The following IPO5 variants were observed in gnomAD, a reference collection of about 807,000 sequenced individuals.
IPO5 encodes the protein importin 5.
A neutral mutation model predicts 143.3 loss-of-function variants in IPO5; 18 were observed. The observed-to-expected ratio is 0.13, with a 90% CI of 0.09 to 0.19. The LOEUF (loss-of-function observed/expected upper bound fraction) is 0.19, where lower values mean the gene tolerates loss of function less well. IPO5 is among the 10% of genes least tolerant of loss of function. The pLI is 1.00. For missense variants in IPO5, 1,013 were observed against 1,336.9 expected, an observed-to-expected ratio of 0.76 and a Z score of 3.78; for synonymous variants, 477 against 465.7, an observed-to-expected ratio of 1.02 and a Z score of -0.31.
chr13:98,004,587 A>T (rs1485864481), intron 16 of IPO5, among the ~76,000 whole-genome samples: 1 of 152,016 alleles, frequency 6.6e-6, no homozygotes, highest in Non-Finnish European at 1.5e-5. Context: ...AAGTGGAAGG[A>T]GTTGTTGGGA....
At position 97,967,640 on chromosome 13, in the gene IPO5, G is replaced by A. The variant is rs572297451; in HGVS notation, c.-112-2083G>A. On this transcript the variant is annotated intron_variant, in intron 2 of 28. Transcript: ENST00000651721. ...ATCTGAAAGTATTTTCTGTTTGTTT[G>A]TTTGTTTGTTTGTTTGAGTCTCGCT... Among the ~76,000 whole-genome samples, 146 of 152,068 alleles carry A rather than the reference G, an allele frequency of 9.6e-4. 1 individual carries two copies. Among genetic ancestry groups the A allele is most frequent in the Non-Finnish European group, 1.7e-3 (118 of 67,992 alleles).
chr13:97,985,315 A>G, intron 5 of IPO5, 106 bp from the exon 6 acceptor site: 1 of 840,966 alleles, frequency 1.2e-6, no homozygotes, highest in Non-Finnish European at 1.9e-6. Flanking sequence ...AGAGTTATAT[A>G]TTTACTTCTT....
At chr13:97,982,623 A>G in intron 5 of IPO5, 40 bp downstream of exon 5, 1 of 1,230,710 alleles carries the variant, frequency 8.1e-7, no homozygotes, top group Non-Finnish European at 1.2e-6. Context: ...TTCTTAGAAA[A>G]TAAGTTATTA....
At chr13:97,990,375 T>C in intron 8 of IPO5, 58 bp from the exon 9 acceptor site, 3 of 1,341,642 alleles carry the variant, frequency 2.2e-6, no homozygotes, top group Non-Finnish European at 3.2e-6. Flanking sequence ...GTAAGAAAAC[T>C]TGAATTTGCG....
chr13:97,968,617 C>G (rs989970296), intron 2 of IPO5, among the ~76,000 whole-genome samples: 1 of 152,112 alleles, frequency 6.6e-6, no homozygotes, highest in African/African-American at 2.4e-5. Context: ...TAAAAATGTC[C>G]TCTTTATCTC....
chr13:97,975,292 C>T (rs543977954), intron 3 of IPO5, among the ~76,000 whole-genome samples: 1 of 152,002 alleles, frequency 6.6e-6, no homozygotes, highest in Admixed American at 6.5e-5. Context: ...AGTTCGAGAC[C>T]AACTGGGCCA....
chr13:97,988,032 G>A, intron 6 of IPO5: 1 of 276,230 alleles, frequency 3.6e-6, no homozygotes, highest in South Asian at 3.1e-5. Context: ...CAGCTTAGCA[G>A]CACAATTGTC....
chr13:97,983,503 C>T (rs984496358), intron 5 of IPO5, among the ~76,000 whole-genome samples: 1 of 151,080 alleles, frequency 6.6e-6, no homozygotes, highest in African/African-American at 2.4e-5. Context: ...TTATAGTTTC[C>T]TACTACTGAT....
At chr13:97,978,100 CTTCA>C (rs1886534405) in intron 4 of IPO5, among the ~76,000 whole-genome samples, 1 of 152,162 alleles carries the variant, frequency 6.6e-6, no homozygotes, top group South Asian at 2.1e-4. Flanking sequence ...CTACTATTCA[CTTCA>C]TTAAGTTTTT....
At chr13:97,987,568 T>C (rs777837670) in intron 6 of IPO5, among the ~76,000 whole-genome samples, 1 of 152,134 alleles carries the variant, frequency 6.6e-6, no homozygotes, top group African/African-American at 2.4e-5. Flanking sequence ...TGCCCAGGCT[T>C]GAGTACAGTG....
At chr13:98,002,371 C>G in intron 13 of IPO5, 96 bp from the exon 14 acceptor site, 1 of 1,259,842 alleles carries the variant, frequency 7.9e-7, no homozygotes. Flanking sequence ...AGTTTTGTTA[C>G]TCTTTTCCAA....
At chr13:98,010,780 C>CTTTT (rs71117688) in intron 20 of IPO5, among the ~76,000 whole-genome samples, 5 of 70,028 alleles carry the variant, frequency 7.1e-5, no homozygotes, top group African/African-American at 3.8e-4. Flanking sequence ...AAGGATAATC[C>CTTTT]TTTTTTTTTT....
intron 20 of IPO5, among the ~76,000 whole-genome samples, chr13:98,011,610 G>T (rs1160715240): frequency 6.6e-6 from 1 of 151,344 alleles, no homozygotes; most frequent in Admixed American, 6.6e-5. Context: ...GGGTTCAAGC[G>T]ATTCTCCTGC....
At chr13:97,980,199 A>G (rs1886720983) in intron 4 of IPO5, among the ~76,000 whole-genome samples, 1 of 152,204 alleles carries the variant, frequency 6.6e-6, no homozygotes, top group East Asian at 1.9e-4. Context: ...ACAAAGATAA[A>G]AAGTTACCAT....
intron 9 of IPO5, 129 bp from the exon 10 acceptor site, chr13:97,992,763 A>G (rs1225097704): frequency 1.0e-6 from 1 of 954,638 alleles, no homozygotes; most frequent in Non-Finnish European, 1.6e-6. Flanking sequence ...CATAATATAG[A>G]TTGCTAAATT....
intron 11 of IPO5, 30 bp downstream of exon 11, chr13:97,993,255 T>A (rs1230580615): frequency 1.3e-6 from 2 of 1,595,254 alleles, no homozygotes; most frequent in African/African-American, 2.7e-5. Context: ...ATAGTTTATG[T>A]GTATTGTGGC....
At chr13:98,010,807 GTC>G (rs1419742604) in intron 20 of IPO5, among the ~76,000 whole-genome samples, 4 of 28,942 alleles carry the variant, frequency 1.4e-4, no homozygotes, top group African/African-American at 2.2e-4. Flanking sequence ...TTGAGGTGGA[GTC>G]TCTCTTTTTC....
chr13:98,016,766 A>C lies in IPO5; in HGVS notation c.2531A>C (p.Asp844Ala). The C allele has an allele frequency of 6.5e-7, 1 of 1,533,008 alleles. No individual in the cohort carries two copies. The allele number at this position is 1,533,008 out of a possible 1,614,324, so 95.0% of individuals were successfully genotyped here. A position where few individuals can be genotyped will look rare whatever the true frequency, so the allele number is the denominator to read the frequency against. The change falls in exon 25 of 29, where the codon GAT (aspartate) becomes GCT (alanine). Residue 844 changes from aspartate (D) to alanine (A), a missense_variant. Transcript: ENST00000651721. ...NDVYILTKVS[D>A]ILHSIFSSYK... is the part of the protein sequence containing the mutation. Reference sequence around the variant, plus strand: ...GTTTATATTCTGACCAAAGTGTCAGATATTTTACACTCAATATTCAGTAGC... The same window carrying C: ...GTTTATATTCTGACCAAAGTGTCAGCTATTTTACACTCAATATTCAGTAGC...
At chr13:97,996,545 CACTTAA>C (rs1888304884) in intron 11 of IPO5, among the ~76,000 whole-genome samples, 1 of 152,162 alleles carries the variant, frequency 6.6e-6, no homozygotes, top group Non-Finnish European at 1.5e-5. Flanking sequence ...CGGAGACCTC[CACTTAA>C]ACTTCACATA....
Sources: gnomAD v4.1 joint callset for allele counts (sites outside exome capture counted in the v4.1 genomes callset) on GRCh38, gnomAD v4.1.1 for gene constraint, MANE v1.5 for transcripts, NCBI Gene and HGNC (gene_info 2026-07-23, HGNC 2026-07-21) for gene names.